SDR42E2: variants seen among roughly 807,000 people sequenced by gnomAD.
SDR42E2 encodes the protein short chain dehydrogenase/reductase family 42E, member 2.
In SDR42E2, 20 loss-of-function variants were observed where a neutral mutation model predicts 10.5. That is an observed-to-expected ratio of 1.90 (90% confidence interval 1.34 to 2.77). The LOEUF is 2.77. SDR42E2 is among the 30% of genes most tolerant of loss of function. The pLI, the probability that SDR42E2 is intolerant of heterozygous loss-of-function variation, is 0.00. For synonymous variants in SDR42E2, 72 were observed against 39.2 expected, an observed-to-expected ratio of 1.84 and a Z score of -3.12; for missense variants, 162 against 104.2, an observed-to-expected ratio of 1.55 and a Z score of -2.42.
rs1220682535 is a variant in SDR42E2 at position 22,190,450 on chromosome 16, G to C, written c.*57G>C. On this transcript the variant is annotated 3_prime_UTR_variant, in exon 13 of 13. Transcript: ENST00000602312. Reference sequence around the variant, plus strand: ...CCCCGCTGCACCCTCGCCCACGCCCGGCTCCCTGGGCTTGTACCAGCCCCT... The same window carrying C: ...CCCCGCTGCACCCTCGCCCACGCCCCGCTCCCTGGGCTTGTACCAGCCCCT... The C allele has an allele frequency of 2.5e-6, 1 of 399,918 alleles. No homozygotes were observed. Among genetic ancestry groups the C allele is most frequent in the Non-Finnish European group, 4.4e-6 (1 of 226,484 alleles). The allele number at this position is 399,918 out of a possible 1,614,324, so 24.8% of individuals were successfully genotyped here.
At chr16:22,186,964 G>A (rs1340915017) in intron 12 of SDR42E2, among the ~76,000 whole-genome samples, 170 bp downstream of exon 12, 4 of 152,072 alleles carry the variant, frequency 2.6e-5, no homozygotes, top group African/African-American at 9.7e-5. Flanking sequence ...TGCTAGCTCT[G>A]TTATGATCAC....
At chr16:22,178,349 C>T (rs1234064807) in intron 8 of SDR42E2, 137 bp downstream of exon 8, 4 of 594,626 alleles carry the variant, frequency 6.7e-6, no homozygotes, top group African/African-American at 1.9e-5. Context: ...CTCAGTTCTA[C>T]AAGATGTTCC....
intron 1 of SDR42E2, among the ~76,000 whole-genome samples, chr16:22,163,208 G>C (rs1298560039): frequency 2.6e-5 from 4 of 152,184 alleles, no homozygotes; most frequent in Non-Finnish European, 5.9e-5. Flanking sequence ...CCCAATAAGT[G>C]AGTATCCAAG....
At chr16:22,189,448 T>A (rs777456208) in intron 12 of SDR42E2, among the ~76,000 whole-genome samples, 5 of 152,126 alleles carry the variant, frequency 3.3e-5, no homozygotes, top group African/African-American at 4.8e-5. Context: ...TAGTACCACC[T>A]GAGAGGATTA....
chr16:22,183,282 C>T (rs117564170), intron 10 of SDR42E2, among the ~76,000 whole-genome samples: 3,930 of 152,198 alleles, frequency 0.026, 76 homozygotes, highest in Middle Eastern at 0.041. Context: ...CCACCCTGCT[C>T]GGCTAATTTT....
At chr16:22,179,805 C>A in intron 8 of SDR42E2, among the ~76,000 whole-genome samples, 1 of 121,624 alleles carries the variant, frequency 8.2e-6, no homozygotes. Context: ...AAAAGCGAAA[C>A]TTCATCTCAA....
chr16:22,165,496 G>T, intron 1 of SDR42E2, 51 bp from the exon 2 acceptor site: 1 of 400,366 alleles, frequency 2.5e-6, no homozygotes, highest in Non-Finnish European at 4.4e-6. Context: ...AATAATTTAT[G>T]TGACTTGAAA....
intron 1 of SDR42E2, among the ~76,000 whole-genome samples, chr16:22,163,747 G>C (rs1337739016): frequency 2.0e-5 from 3 of 151,950 alleles, no homozygotes; most frequent in African/African-American, 7.3e-5. Context: ...TGCTTATACG[G>C]GGCAGGACTG....
chr16:22,166,881 C>A (rs1472625885), intron 3 of SDR42E2, 23 bp from the exon 4 acceptor site: 2 of 637,276 alleles, frequency 3.1e-6, no homozygotes, highest in Admixed American at 4.3e-5. Context: ...CCCCTGCCCT[C>A]ATCTCTTCTT....
chr16:22,181,828 C>G (rs1177401305), intron 9 of SDR42E2, among the ~76,000 whole-genome samples, 172 bp downstream of exon 9: 7 of 152,130 alleles, frequency 4.6e-5, no homozygotes. Context: ...GTGTGGAGTT[C>G]TTTATAGAGC....
chr16:22,170,775 CTG>C (rs1211217573), intron 5 of SDR42E2, 56 bp from the exon 6 acceptor site: 3 of 701,856 alleles, frequency 4.3e-6, no homozygotes, highest in Non-Finnish European at 7.8e-6. Context: ...CCGTGTGTGT[CTG>C]TGTCTTTGCA....
chr16:22,163,431 CG>C (rs1195833393), intron 1 of SDR42E2, among the ~76,000 whole-genome samples: 1 of 152,176 alleles, frequency 6.6e-6, no homozygotes, highest in Non-Finnish European at 1.5e-5. Flanking sequence ...GTGGGCTGGG[CG>C]CAGTGGCTCA....
In SDR42E2 at chr16:22,190,252, C is replaced by T. The variant is rs1598148294; in HGVS notation, c.1128C>T (p.Ser376=). 1.0e-5 allele frequency: 4 copies of T among 401,338 alleles called. No individual in the cohort carries two copies. Among genetic ancestry groups the T allele is most frequent in the Middle Eastern group, 3.2e-4 (1 of 3,152 alleles). 24.9% of individuals were successfully genotyped at this position (401,338 alleles called of 1,614,324 possible). Residue 376 remains serine (S), a synonymous_variant, in exon 13 of 13, where the codon TCC becomes TCT. Coordinates refer to ENST00000602312, the MANE Select transcript of SDR42E2 (RefSeq NM_001394319.2). The part of the protein sequence containing the change: ...FADAVELYVQ[S]TTRRPRGSTA... ...ACGCCGTGGAGCTATACGTGCAGTC[C>T]ACGACCCGGCGGCCCCGCGGCTCCA...
In SDR42E2 at chr16:22,172,271, T is replaced by G. The variant is rs1254624927; in HGVS notation, c.529T>G (p.Ser177Ala). ...CCTCTGGCAGCACGTAGACCACTAC[T>G]CCCGAACCAAAGCCATCGCCGACCA... ...FPLDEHVDHY[S>A]RTKAIADQLT... Residue 177 changes from serine (S) to alanine (A), a missense_variant, in exon 7 of 13, where the codon TCC (serine) becomes GCC (alanine). Transcript: ENST00000602312. 1 of 703,036 alleles carries G rather than the reference T, an allele frequency of 1.4e-6. No individual in the cohort carries two copies. Among genetic ancestry groups the G allele is most frequent in the Non-Finnish European group, 2.6e-6 (1 of 385,000 alleles). The allele number at this position is 703,036 out of a possible 1,614,324, so 43.5% of individuals were successfully genotyped here. A position where few individuals can be genotyped will look rare whatever the true frequency, so the allele number is the denominator to read the frequency against.
Position 22,182,276 on chromosome 16 carries a change from T to A in SDR42E2, c.875T>A (p.Leu292Gln). 2.5e-6 allele frequency: 1 copy of A among 401,498 alleles called. No individual in the cohort carries two copies. The highest frequency in any genetic ancestry group is 4.4e-6 in the Non-Finnish European group (1 of 226,564). The allele number at this position is 401,498 out of a possible 1,614,324, so 24.9% of individuals were successfully genotyped here. ...AACCTCTTTGAGTGGATGGCCCCACTGGTAGGTGCACAGATGCCCACCCAC... is the reference window on the plus strand; with the variant it reads ...AACCTCTTTGAGTGGATGGCCCCACAGGTAGGTGCACAGATGCCCACCCAC... ...SVNLFEWMAP[L>Q]FEKLGYSQPW... is the part of the protein sequence containing the mutation. Residue 292 changes from leucine (L) to glutamine (Q), a missense_variant and splice_region_variant, in exon 10 of 13, where the codon CTG (leucine) becomes CAG (glutamine). Transcript: ENST00000602312.
rs1466788832 is a variant in SDR42E2 at position 22,162,777 on chromosome 16, ACTGT to A, written c.-37+218_-37+221del. ...CATCGACCTGGATTCCGGCGGAGAC[ACTGT>A]CTGTGACTCCATCAAAGTTTCCTCA... On this transcript the variant is annotated intron_variant, in intron 1 of 12. Coordinates refer to ENST00000602312, the MANE Select transcript of SDR42E2 (RefSeq NM_001394319.2). 3.3e-5 allele frequency among the ~76,000 whole-genome samples: 5 copies of A among 152,284 alleles called. No homozygotes were observed. The East Asian group carries it at 5.8e-4, about 18-fold the overall frequency.
At chr16:22,173,407 A>G (rs2046616449) in intron 7 of SDR42E2, among the ~76,000 whole-genome samples, 2 of 151,730 alleles carry the variant, frequency 1.3e-5, no homozygotes, top group African/African-American at 4.8e-5. Flanking sequence ...TTTAGTAGAG[A>G]TGGGGTTTCA....
chr16:22,185,903 G>A (rs541563491), intron 11 of SDR42E2, among the ~76,000 whole-genome samples: 1 of 152,120 alleles, frequency 6.6e-6, no homozygotes, highest in East Asian at 1.9e-4. Flanking sequence ...CTCCATGCCT[G>A]GCTATTTTCA....
chr16:22,175,731 G>A (rs1042404552), intron 7 of SDR42E2, among the ~76,000 whole-genome samples: 3 of 151,542 alleles, frequency 2.0e-5, no homozygotes, highest in East Asian at 2.0e-4. Flanking sequence ...AGTGGCTTAC[G>A]CCTGTAATCC....
Sources: gnomAD v4.1 joint callset for allele counts (sites outside exome capture counted in the v4.1 genomes callset) on GRCh38, gnomAD v4.1.1 for gene constraint, MANE v1.5 for transcripts, NCBI Gene and HGNC (gene_info 2026-07-23, HGNC 2026-07-21) for gene names.